Variants in ZNRF2 observed in about 807,000 individuals in gnomAD.
The protein encoded by ZNRF2 is E3 ubiquitin-protein ligase ZNRF2.
In ZNRF2, 16 loss-of-function variants were observed where a neutral mutation model predicts 20.4. That is an observed-to-expected ratio of 0.79 (90% confidence interval 0.53 to 1.19). The LOEUF (loss-of-function observed/expected upper bound fraction) is 1.19, where lower values mean the gene tolerates loss of function less well. Among genes scored for constraint, ZNRF2 ranks in the 50% most tolerant of loss-of-function variants. ZNRF2 has a pLI of 0.00. For synonymous variants in ZNRF2, 178 were observed against 144.9 expected, an observed-to-expected ratio of 1.23 and a Z score of -1.64; for missense variants, 363 against 332.4, an observed-to-expected ratio of 1.09 and a Z score of -0.72.
chr7:30,300,410 G>A (rs200302850), intron 1 of ZNRF2, among the ~76,000 whole-genome samples: 2 of 152,124 alleles, frequency 1.3e-5, no homozygotes, highest in East Asian at 3.9e-4. Flanking sequence ...GCCTCCCAAA[G>A]TGCTGGGATT....
intron 2 of ZNRF2, among the ~76,000 whole-genome samples, chr7:30,324,770 T>C (rs1445655537): frequency 6.6e-6 from 1 of 152,188 alleles, no homozygotes; most frequent in Non-Finnish European, 1.5e-5. Context: ...AATGGCCATT[T>C]TCAAAAGTAA....
At chr7:30,326,331 T>C (rs1365169216) in intron 2 of ZNRF2, among the ~76,000 whole-genome samples, 1 of 152,184 alleles carries the variant, frequency 6.6e-6, no homozygotes, top group African/African-American at 2.4e-5. Context: ...TGTTCCCCTC[T>C]TTGTGTCCAT....
At chr7:30,302,281 T>G (rs1344710956) in intron 1 of ZNRF2, among the ~76,000 whole-genome samples, 1 of 152,238 alleles carries the variant, frequency 6.6e-6, no homozygotes, top group African/African-American at 2.4e-5. Context: ...TTTCGCTGGC[T>G]TAAAATTGAG....
At chr7:30,355,885 A>T (rs868747511) in intron 3 of ZNRF2, 52 bp downstream of exon 3, 1 of 1,395,340 alleles carries the variant, frequency 7.2e-7, no homozygotes, top group Non-Finnish European at 1.0e-6. Context: ...ACAGTTTCAG[A>T]CATTGTAATT....
intron 2 of ZNRF2, among the ~76,000 whole-genome samples, chr7:30,328,164 A>C (rs925117021): frequency 6.6e-6 from 1 of 152,182 alleles, no homozygotes; most frequent in Non-Finnish European, 1.5e-5. Context: ...TGTCTGTCAC[A>C]GGTGATGAGT....
At position 30,285,576 on chromosome 7, in the gene ZNRF2, A is replaced by C; in HGVS notation, c.219A>C (p.Ala73=). The change falls in exon 1 of 5, where the codon GCA becomes GCC. Residue 73 remains alanine, a synonymous_variant. Transcript: ENST00000323037. ...CCGCGGCGGCCGCGGCGGCCCCGGC[A>C]GCCCCGGCGGCCCCGCGCAGCCGCT... The part of the protein sequence containing the change: ...GGAAAAAAAP[A]APAAPRSRSL... 1.0e-6 allele frequency: 1 copy of C among 999,910 alleles called. No individual in the cohort carries two copies. The highest frequency in any genetic ancestry group is 1.2e-6 in the Non-Finnish European group (1 of 841,422). 61.9% of individuals were successfully genotyped at this position (999,910 alleles called of 1,614,324 possible).
At chr7:30,343,850 A>T (rs892072436) in intron 2 of ZNRF2, among the ~76,000 whole-genome samples, 10 of 145,486 alleles carry the variant, frequency 6.9e-5, no homozygotes, top group Non-Finnish European at 1.2e-4. Context: ...GGTCAGTGCT[A>T]ATTCTGTCAT....
chr7:30,307,332 T>TTG (rs1554294318), intron 1 of ZNRF2, among the ~76,000 whole-genome samples: 1 of 127,524 alleles, frequency 7.8e-6, no homozygotes. Flanking sequence ...TTTTGTTTTT[T>TTG]TTTTTTTTTT....
At chr7:30,298,830 C>T (rs900442915) in intron 1 of ZNRF2, among the ~76,000 whole-genome samples, 6 of 152,158 alleles carry the variant, frequency 3.9e-5, no homozygotes, top group Admixed American at 3.9e-4. Context: ...CTGCCTTCAC[C>T]CCTGCTTCCA....
intron 1 of ZNRF2, among the ~76,000 whole-genome samples, chr7:30,314,385 G>C (rs886183922): frequency 6.6e-6 from 1 of 152,072 alleles, no homozygotes; most frequent in African/African-American, 2.4e-5. Context: ...TCTGTCAGTG[G>C]TGGCCCACTG....
intron 1 of ZNRF2, among the ~76,000 whole-genome samples, chr7:30,298,798 G>A (rs1195764905): frequency 6.6e-6 from 1 of 152,174 alleles, no homozygotes; most frequent in African/African-American, 2.4e-5. Flanking sequence ...GCAGACTGGC[G>A]ATGAATCTTT....
intron 4 of ZNRF2, among the ~76,000 whole-genome samples, chr7:30,363,609 G>T (rs1391791511): frequency 2.0e-5 from 3 of 151,976 alleles, no homozygotes; most frequent in Admixed American, 2.0e-4. Context: ...TACAGTGCCT[G>T]TCTATATAGT....
At chr7:30,341,814 G>A (rs527717589) in intron 2 of ZNRF2, among the ~76,000 whole-genome samples, 1 of 152,260 alleles carries the variant, frequency 6.6e-6, no homozygotes, top group East Asian at 1.9e-4. Context: ...AATACTGACA[G>A]TGGGGTGTTA....
At chr7:30,310,853 CCCTGTCCTGTCCTGT>C (rs70980596) in intron 1 of ZNRF2, among the ~76,000 whole-genome samples, 21 of 151,230 alleles carry the variant, frequency 1.4e-4, no homozygotes, top group African/African-American at 5.1e-4. Context: ...ACATCTGAGC[CCCTGTCCTGTCCTGT>C]CCTGTCCTGT....
intron 1 of ZNRF2, among the ~76,000 whole-genome samples, chr7:30,298,844 A>G (rs1323395869): frequency 2.6e-5 from 4 of 152,108 alleles, no homozygotes; most frequent in Non-Finnish European, 5.9e-5. Flanking sequence ...GCTTCCAGGG[A>G]TATCTTGTGC....
At chr7:30,344,991 T>C (rs897312190) in intron 2 of ZNRF2, among the ~76,000 whole-genome samples, 1 of 152,142 alleles carries the variant, frequency 6.6e-6, no homozygotes, top group Non-Finnish European at 1.5e-5. Context: ...TGACTTAGTC[T>C]TTTTGCCAGA....
intron 1 of ZNRF2, among the ~76,000 whole-genome samples, chr7:30,320,350 A>G (rs955232714): frequency 6.6e-6 from 1 of 152,220 alleles, no homozygotes; most frequent in East Asian, 1.9e-4. Flanking sequence ...TCAAGGATGA[A>G]TCAAAACAAA....
chr7:30,355,812 G>A lies in ZNRF2; in HGVS notation c.650G>A (p.Cys217Tyr). The part of the protein sequence containing the change: ...QQGDTIARLP[C>Y]LCIYHKGCID... ...GGAGATACTATAGCACGACTGCCTTGTCTATGCATATATCATAAAGGGTAA... is the reference window on the plus strand; with the variant it reads ...GGAGATACTATAGCACGACTGCCTTATCTATGCATATATCATAAAGGGTAA... Residue 217 changes from cysteine (C) to tyrosine (Y), a missense_variant, in exon 3 of 5, where the codon TGT (cysteine) becomes TAT (tyrosine). Around this residue, in one of 2 missense-constraint regions of ZNRF2, gnomAD observed 61 missense variants for 100.9 expected, o/e 0.60. Coordinates refer to ENST00000323037, the MANE Select transcript of ZNRF2 (RefSeq NM_147128.4). The A allele has an allele frequency of 6.2e-7, 1 of 1,612,982 alleles. No homozygotes were observed. The highest frequency in any genetic ancestry group is 8.5e-7 in the Non-Finnish European group (1 of 1,179,316).
rs1283836104 is a variant in ZNRF2 at position 30,285,165 on chromosome 7, C to T, written c.-193C>T. The T allele has an allele frequency of 2.3e-6, 1 of 428,188 alleles. No individual in the cohort carries two copies. Among genetic ancestry groups the T allele is most frequent in the Non-Finnish European group, 4.3e-6 (1 of 229,940 alleles). 26.5% of individuals were successfully genotyped at this position (428,188 alleles called of 1,614,324 possible). ...CCCGCGCCCGCGTCAGGCCGTCGGCCTCGCCCGCCGCCCCAAGAAGAGCGC... is the reference window on the plus strand; with the variant it reads ...CCCGCGCCCGCGTCAGGCCGTCGGCTTCGCCCGCCGCCCCAAGAAGAGCGC... On this transcript the variant is annotated 5_prime_UTR_variant, in exon 1 of 5. Coordinates refer to ENST00000323037, the MANE Select transcript of ZNRF2 (RefSeq NM_147128.4).
Sources: gnomAD v4.1 joint callset for allele counts (sites outside exome capture counted in the v4.1 genomes callset) on GRCh38, gnomAD v4.1.1 for gene constraint, gnomAD v4.1.1 regional missense constraint, MANE v1.5 for transcripts, NCBI Gene and HGNC (gene_info 2026-07-23, HGNC 2026-07-21) for gene names.